SULT4A1: variants seen among roughly 807,000 people sequenced by gnomAD.
SULT4A1 encodes sulfotransferase 4A1.
SULT4A1 carries 11 observed loss-of-function variants against 35.2 expected under a neutral mutation model. That is an observed-to-expected ratio of 0.31 (90% CI 0.20 to 0.52). The LOEUF (loss-of-function observed/expected upper bound fraction) is 0.52. Ranked by LOEUF, SULT4A1 falls within the 20% of genes least tolerant of loss-of-function variation. The pLI is 0.97. For missense variants in SULT4A1, 271 were observed against 383.7 expected, an observed-to-expected ratio of 0.71 and a Z score of 2.45; for synonymous variants, 152 against 151.8, an observed-to-expected ratio of 1.00 and a Z score of -0.01.
intron 5 of SULT4A1, among the ~76,000 whole-genome samples, chr22:43,831,564 G>A (rs188782432): frequency 4.6e-5 from 7 of 152,274 alleles, no homozygotes; most frequent in Non-Finnish European, 7.3e-5. Context: ...TGGCCTCCAC[G>A]CCCGGCAACA....
intron 1 of SULT4A1, among the ~76,000 whole-genome samples, chr22:43,846,565 G>A (rs899232647): frequency 2.0e-5 from 3 of 152,244 alleles, no homozygotes; most frequent in Non-Finnish European, 4.4e-5. Flanking sequence ...TTGGAGCAAA[G>A]GCACTGAAGG....
At chr22:43,843,741 A>G (rs1322151196) in intron 1 of SULT4A1, among the ~76,000 whole-genome samples, 1 of 152,252 alleles carries the variant, frequency 6.6e-6, no homozygotes, top group Non-Finnish European at 1.5e-5. Flanking sequence ...TCCATCCTCC[A>G]CAGACGTCTC....
chr22:43,826,242 G>C (rs1436507487), intron 6 of SULT4A1, 129 bp from the exon 7 acceptor site: 2 of 1,477,550 alleles, frequency 1.4e-6, no homozygotes, highest in East Asian at 4.9e-5. Context: ...TTGGCCTATG[G>C]GGGCAGGAAG....
In SULT4A1 at chr22:43,829,183, C is replaced by T; in HGVS notation, c.619G>A (p.Val207Met). ...CCCAGGAATCTGGCCAGCTGCTCCA[C>T]CATCGTCACCAGGTCCTGGAAGACA... The part of the protein sequence containing the change: ...EDMHRDLVTM[V>M]EQLARFLGVS... Residue 207 changes from valine (V) to methionine (M), a missense_variant, in exon 6 of 7, where the codon GTG becomes ATG. By Grantham distance (21) the Val-to-Met change is conservative. Transcript: ENST00000330884. The T allele has an allele frequency of 6.4e-7, 1 of 1,564,048 alleles. No individual in the cohort carries two copies. The highest frequency in any genetic ancestry group is 8.7e-7 in the Non-Finnish European group (1 of 1,154,380).
rs552369499 is a variant in SULT4A1, at chr22:43,854,789, C to T, written c.169+7425G>A. ...TCCTGGCAGGCTGAGCCCCAGGGTT[C>T]CACAGAGGAACCCCTTTCCTGGCTT... On this transcript the variant is annotated intron_variant, in intron 1 of 6. Coordinates refer to ENST00000330884, the MANE Select transcript of SULT4A1 (RefSeq NM_014351.4). Among the ~76,000 whole-genome samples, 59 of 152,326 alleles carry T rather than the reference C, an allele frequency of 3.9e-4. No individual in the cohort carries two copies. The South Asian group carries it at 4.1e-3, about 11-fold the overall frequency.
intron 1 of SULT4A1, among the ~76,000 whole-genome samples, chr22:43,855,452 G>A (rs2049391912): frequency 6.6e-6 from 1 of 152,180 alleles, no homozygotes; most frequent in South Asian, 2.1e-4. Context: ...AGGAGAGTCT[G>A]GCTCATTTCA....
chr22:43,831,049 T>C (rs1382043487), intron 5 of SULT4A1, among the ~76,000 whole-genome samples: 1 of 152,052 alleles, frequency 6.6e-6, no homozygotes, highest in Non-Finnish European at 1.5e-5. Context: ...CAGACCGGCT[T>C]TGATAGAAAA....
intron 4 of SULT4A1, among the ~76,000 whole-genome samples, chr22:43,836,983 C>A (rs1402891519): frequency 6.6e-6 from 1 of 152,280 alleles, no homozygotes; most frequent in African/African-American, 2.4e-5. Flanking sequence ...CTTTGCCCTC[C>A]AGCCTCGCAG....
At chr22:43,839,451 G>A (rs1034164244) in intron 3 of SULT4A1, among the ~76,000 whole-genome samples, 5 of 152,220 alleles carry the variant, frequency 3.3e-5, no homozygotes, top group Middle Eastern at 3.4e-3. Flanking sequence ...AAAATTAGCC[G>A]GGTGTGGTGG....
chr22:43,827,367 G>A, intron 6 of SULT4A1: 2 of 1,141,710 alleles, frequency 1.8e-6, no homozygotes, highest in Non-Finnish European at 2.2e-6. Context: ...TATCAGTGTT[G>A]GAGAGAAAAA....
At chr22:43,846,922 G>A (rs371176230) in intron 1 of SULT4A1, among the ~76,000 whole-genome samples, 6 of 152,218 alleles carry the variant, frequency 3.9e-5, no homozygotes, top group South Asian at 4.1e-4. Flanking sequence ...GCAGGCCAAC[G>A]ACCCAGACAG....
intron 6 of SULT4A1, among the ~76,000 whole-genome samples, chr22:43,828,269 G>C (rs1300694675): frequency 6.6e-6 from 1 of 152,234 alleles, no homozygotes. Context: ...ACCAACAGGG[G>C]GCCTCCTATG....
intron 1 of SULT4A1, among the ~76,000 whole-genome samples, chr22:43,854,761 G>C (rs1268493405): frequency 1.3e-5 from 2 of 152,170 alleles, no homozygotes; most frequent in African/African-American, 4.8e-5. Context: ...GTCTCTCAAG[G>C]GATCCTGGCA....
chr22:43,858,512 A>AGGAACTTCTCAGTTCTTCTG (rs2049428842), intron 1 of SULT4A1, among the ~76,000 whole-genome samples: 1 of 152,178 alleles, frequency 6.6e-6, no homozygotes, highest in Non-Finnish European at 1.5e-5. Context: ...ATGGGGAAAG[A>AGGAACTTCTCAGTTCTTCTG]GGAACTTCTC....
chr22:43,847,958 T>C (rs1232678081), intron 1 of SULT4A1, among the ~76,000 whole-genome samples: 2 of 152,190 alleles, frequency 1.3e-5, no homozygotes, highest in Non-Finnish European at 1.5e-5. Context: ...AGTCGAGGTG[T>C]GGGCAGGGCT....
intron 5 of SULT4A1, among the ~76,000 whole-genome samples, chr22:43,832,632 C>T (rs1030339763): frequency 6.6e-6 from 1 of 151,834 alleles, no homozygotes; most frequent in Non-Finnish European, 1.5e-5. Context: ...CCCAGGATCA[C>T]AGTGCACACA....
intron 5 of SULT4A1, 47 bp from the exon 6 acceptor site, chr22:43,829,245 C>A: frequency 6.8e-7 from 1 of 1,480,548 alleles, no homozygotes; most frequent in Non-Finnish European, 9.0e-7. Context: ...GAGGCGGGGC[C>A]TTTTACTGGA....
In SULT4A1 at chr22:43,826,204, C is replaced by T. The variant is rs564397752; in HGVS notation, c.743-91G>A. 3,169 of 1,566,008 alleles carry T rather than the reference C, an allele frequency of 2.0e-3. 20 individuals are homozygous for T. The highest frequency in any genetic ancestry group is 0.012 in the South Asian group (949 of 82,396). On this transcript the variant is annotated intron_variant, in intron 6 of 6. Transcript: ENST00000330884. ...GCCTTGGAAATGGATCTGGAACATT[C>T]CAGATCTATTCCTGGATCCCTTTGA...
At chr22:43,850,066 C>T (rs185544368) in intron 1 of SULT4A1, among the ~76,000 whole-genome samples, 92 of 152,316 alleles carry the variant, frequency 6.0e-4, no homozygotes, top group Middle Eastern at 6.8e-3. Context: ...CTCCAGCTCC[C>T]GCCTGCGAAG....
Sources: gnomAD v4.1 joint callset for allele counts (sites outside exome capture counted in the v4.1 genomes callset) on GRCh38, gnomAD v4.1.1 for gene constraint, MANE v1.5 for transcripts, NCBI Gene and HGNC (gene_info 2026-07-23, HGNC 2026-07-21) for gene names.